ATP9A: variants seen among roughly 807,000 people sequenced by gnomAD.
The protein encoded by ATP9A is probable phospholipid-transporting ATPase IIA.
ATP9A carries 52 observed loss-of-function variants against 144.1 expected under a neutral mutation model. The observed-to-expected ratio is 0.36, with a 90% CI of 0.29 to 0.45. The LOEUF (loss-of-function observed/expected upper bound fraction) is 0.45, where lower values mean the gene tolerates loss of function less well. ATP9A is among the 20% of genes least tolerant of loss of function. The pLI is 1.00. For synonymous variants in ATP9A, 582 were observed against 557.4 expected (o/e 1.04, Z -0.62); for missense variants, 947 against 1,392.7 (o/e 0.68, Z 5.09).
chr20:51,648,458 C>T (rs1237883298), intron 14 of ATP9A, among the ~76,000 whole-genome samples: 1 of 152,292 alleles, frequency 6.6e-6, no homozygotes, highest in South Asian at 2.1e-4. Context: ...AAGGGGGAAA[C>T]CTCCTAAGTG....
chr20:51,689,542 AT>A (rs200644621), intron 8 of ATP9A, among the ~76,000 whole-genome samples: 35,168 of 146,772 alleles, frequency 0.24, 4,734 homozygotes, highest in East Asian at 0.49. Flanking sequence ...TCCTAAAATA[AT>A]TTTTTTTTTT....
chr20:51,613,528 G>C, intron 23 of ATP9A, 149 bp downstream of exon 23: 1 of 871,652 alleles, frequency 1.1e-6, no homozygotes, highest in East Asian at 3.0e-5. Context: ...GGCGAGGTAG[G>C]GGTGACAGCT....
chr20:51,609,494 C>T (rs1183753646), intron 24 of ATP9A, among the ~76,000 whole-genome samples: 2 of 152,106 alleles, frequency 1.3e-5, no homozygotes, highest in African/African-American at 4.8e-5. Flanking sequence ...CTCCACCTAC[C>T]TGGGTGATTC....
intron 3 of ATP9A, among the ~76,000 whole-genome samples, chr20:51,719,494 G>A (rs1006965149): frequency 6.6e-6 from 1 of 152,100 alleles, no homozygotes; most frequent in Non-Finnish European, 1.5e-5. Context: ...CAGCACTTTG[G>A]GAGGCCAAGA....
At chr20:51,752,745 G>C (rs1357448116) in intron 1 of ATP9A, among the ~76,000 whole-genome samples, 1 of 152,194 alleles carries the variant, frequency 6.6e-6, no homozygotes, top group African/African-American at 2.4e-5. Context: ...GCCCCGGGCA[G>C]GAGTCAGTGC....
intron 9 of ATP9A, among the ~76,000 whole-genome samples, chr20:51,684,351 T>C (rs2077512956): frequency 6.6e-6 from 1 of 152,178 alleles, no homozygotes; most frequent in South Asian, 2.1e-4. Flanking sequence ...AAAACCAACC[T>C]ATAAGCAGAA....
intron 1 of ATP9A, among the ~76,000 whole-genome samples, chr20:51,748,907 T>TTAGATAGA (rs34474584): frequency 0.011 from 1,643 of 143,228 alleles, 18 homozygotes; most frequent in South Asian, 0.02. Context: ...CCTCTAAAGA[T>TTAGATAGA]TAGATAGATA....
chr20:51,736,346 G>A (rs1310075901), intron 1 of ATP9A, among the ~76,000 whole-genome samples: 1 of 152,096 alleles, frequency 6.6e-6, no homozygotes, highest in African/African-American at 2.4e-5. Flanking sequence ...ATAAGCAGGA[G>A]AGTGGAATGA....
At chr20:51,705,009 C>T (rs1048563168) in intron 4 of ATP9A, among the ~76,000 whole-genome samples, 8 of 152,248 alleles carry the variant, frequency 5.3e-5, no homozygotes, top group South Asian at 4.1e-4. Context: ...AAAAGTCTAT[C>T]CATACCATTC....
chr20:51,680,379 G>A (rs1207312624), intron 9 of ATP9A, among the ~76,000 whole-genome samples: 3 of 151,970 alleles, frequency 2.0e-5, no homozygotes, highest in East Asian at 1.9e-4. Context: ...AGAAGAACTG[G>A]GCTAGAGCAC....
chr20:51,679,218 G>A (rs1419841112), intron 9 of ATP9A, among the ~76,000 whole-genome samples: 1 of 152,182 alleles, frequency 6.6e-6, no homozygotes, highest in African/African-American at 2.4e-5. Flanking sequence ...CAGCCACTTG[G>A]GAGACTGAGG....
chr20:51,606,583 G>C (rs2077164607), intron 26 of ATP9A, among the ~76,000 whole-genome samples: 1 of 152,174 alleles, frequency 6.6e-6, no homozygotes, highest in South Asian at 2.1e-4. Context: ...TGTAGTCTAA[G>C]ATGCTGAACT....
chr20:51,672,781 A>G (rs2077461505), intron 11 of ATP9A, among the ~76,000 whole-genome samples: 5 of 152,224 alleles, frequency 3.3e-5, no homozygotes, highest in Admixed American at 2.6e-4. Flanking sequence ...AAACAGAACA[A>G]TATGGGGGAA....
chr20:51,650,967 A>C (rs1293390828), intron 14 of ATP9A, among the ~76,000 whole-genome samples: 1 of 151,094 alleles, frequency 6.6e-6, no homozygotes, highest in African/African-American at 2.4e-5. Context: ...TGTGAAAGTC[A>C]TATGACTTTC....
intron 14 of ATP9A, among the ~76,000 whole-genome samples, chr20:51,656,611 G>A (rs1225508273): frequency 6.6e-6 from 1 of 152,110 alleles, no homozygotes; most frequent in Non-Finnish European, 1.5e-5. Flanking sequence ...ATGGAATGTG[G>A]AGTTTATCTT....
At chr20:51,681,071 T>C (rs1291831415) in intron 9 of ATP9A, among the ~76,000 whole-genome samples, 3 of 152,230 alleles carry the variant, frequency 2.0e-5, no homozygotes, top group Non-Finnish European at 4.4e-5. Flanking sequence ...AAGATGCCAA[T>C]ATGCCTTCCA....
chr20:51,739,060 C>A (rs1601138204), intron 1 of ATP9A, among the ~76,000 whole-genome samples: 2 of 152,118 alleles, frequency 1.3e-5, no homozygotes, highest in African/African-American at 4.8e-5. Flanking sequence ...CTGTACTCCA[C>A]CCTGGGTGAC....
chr20:51,721,012 C>T (rs1007720736), intron 3 of ATP9A, among the ~76,000 whole-genome samples: 6 of 152,192 alleles, frequency 3.9e-5, no homozygotes, highest in African/African-American at 1.4e-4. Context: ...TACTTCACCC[C>T]AAAATGACTC....
At chr20:51,707,735 T>C (rs748072767) in intron 4 of ATP9A, among the ~76,000 whole-genome samples, 4 of 152,150 alleles carry the variant, frequency 2.6e-5, no homozygotes, top group Admixed American at 2.6e-4. Context: ...TAACTATCTG[T>C]CTACAGGCCT....
Sources: allele counts gnomAD v4.1 joint callset (sites outside exome capture counted in the v4.1 genomes callset), GRCh38; gene constraint gnomAD v4.1.1; transcripts MANE v1.5; gene names NCBI Gene and HGNC (gene_info 2026-07-23, HGNC 2026-07-21).